The following ALS2 variants were observed in gnomAD, a reference collection of about 807,000 sequenced individuals.
ALS2 encodes alsin.
A neutral mutation model predicts 203.4 loss-of-function variants in ALS2; 117 were observed. The ratio of observed to expected loss-of-function variants is 0.58; its 90% CI spans 0.50 to 0.67. The LOEUF (loss-of-function observed/expected upper bound fraction) is 0.67, where lower values mean the gene tolerates loss of function less well. ALS2 is among the 30% of genes least tolerant of loss of function. The probability of loss-of-function intolerance (pLI) is 0.00; values close to 1 mark genes in which losing one functional copy is unlikely to be tolerated. For synonymous variants in ALS2, 718 were observed against 725.9 expected, an observed-to-expected ratio of 0.99 and a Z score of 0.17; for missense variants, 1,715 against 1,989.4, an observed-to-expected ratio of 0.86 and a Z score of 2.62.
At chr2:201,712,768 A>AGG (rs1362791380) in intron 25 of ALS2, among the ~76,000 whole-genome samples, 1 of 27,734 alleles carries the variant, frequency 3.6e-5, no homozygotes, top group African/African-American at 8.0e-5. Flanking sequence ...AAAAAAAGAA[A>AGG]AGAAGGTGAA....
At chr2:201,713,228 C>T (rs1451771882) in intron 25 of ALS2, among the ~76,000 whole-genome samples, 1 of 142,546 alleles carries the variant, frequency 7.0e-6, no homozygotes, top group East Asian at 2.0e-4. Context: ...CCTCCACCTT[C>T]CGAGTTCCAG....
intron 4 of ALS2, among the ~76,000 whole-genome samples, chr2:201,758,786 T>TGTGTGTGTGTGTGTGTG (rs1553514712): frequency 1.9e-5 from 2 of 103,122 alleles, no homozygotes; most frequent in African/African-American, 7.0e-5. Context: ...GTGTGTGTGT[T>TGTGTGTGTGTGTGTGTG]TGTTTGTATA....
chr2:201,707,432 C>A (rs6739696), intron 28 of ALS2, among the ~76,000 whole-genome samples: 102,177 of 150,458 alleles, frequency 0.68, 35,589 homozygotes, highest in Non-Finnish European at 0.78. Flanking sequence ...TACCCAGCTA[C>A]ATTTTTTTTT....
In ALS2 at chr2:201,761,260, T is replaced by C; in HGVS notation, c.734A>G (p.Lys245Arg). The C allele has an allele frequency of 1.9e-6, 3 of 1,614,142 alleles. No homozygotes were observed. The South Asian group carries it at 3.3e-5, about 18-fold the overall frequency. ...CSQLLITMTD[K>R]EDHVIISDSH... Reference sequence around the variant, plus strand: ...GTCTGATATAATCACATGGTCTTCTTTGTCAGTCATAGTAATCAAGAGCTG... The same window carrying C: ...GTCTGATATAATCACATGGTCTTCTCTGTCAGTCATAGTAATCAAGAGCTG... Residue 245 changes from lysine (K) to arginine (R), a missense_variant, in exon 4 of 34, where the codon AAA becomes AGA. Lys to Arg is a conservative substitution (Grantham distance 26). Coordinates refer to ENST00000264276, the MANE Select transcript of ALS2 (RefSeq NM_020919.4).
chr2:201,734,890 G>A (rs1389697271), intron 12 of ALS2, among the ~76,000 whole-genome samples: 1 of 151,976 alleles, frequency 6.6e-6, no homozygotes, highest in Admixed American at 6.6e-5. Flanking sequence ...TCCTTATATG[G>A]CAAGGTCTGT....
At chr2:201,759,700 T>C (rs1008047660) in intron 4 of ALS2, 6 of 984,082 alleles carry the variant, frequency 6.1e-6, no homozygotes, top group East Asian at 1.1e-4. Context: ...AGTGAATAGA[T>C]TGTGAAATAA....
chr2:201,769,002 T>TTA (rs1694243644), intron 1 of ALS2, 57 bp from the exon 2 acceptor site: 1 of 622,568 alleles, frequency 1.6e-6, no homozygotes, highest in Middle Eastern at 3.2e-4. Flanking sequence ...CCTCAGACAT[T>TTA]AAAAAAAAAA....
intron 5 of ALS2, among the ~76,000 whole-genome samples, chr2:201,756,194 A>G (rs1474849611): frequency 6.6e-6 from 1 of 152,112 alleles, no homozygotes; most frequent in Admixed American, 6.6e-5. Context: ...GATTGCAAAT[A>G]TATTTATATA....
chr2:201,711,057 G>A lies in ALS2; in HGVS notation c.4056C>T (p.Phe1352=). 6.2e-7 allele frequency: 1 copy of A among 1,612,732 alleles called. No individual in the cohort carries two copies. The highest frequency in any genetic ancestry group is 8.5e-7 in the Non-Finnish European group (1 of 1,179,022). ...SQTQTLESLE[F]IPQHVGAFSV... ...AGAAGGCACCAACATGCTGTGGAAT[G>A]AATTCCAAACTCTCTAGTGTCTGAG... is the stretch of plus-strand genomic sequence containing the variant. Residue 1352 remains phenylalanine, a synonymous_variant, in exon 26 of 34, where the codon TTC becomes TTT. Coordinates refer to ENST00000264276, the MANE Select transcript of ALS2 (RefSeq NM_020919.4).
rs766882049 is a variant in ALS2, at chr2:201,726,657, T to C, written c.3182+7A>G. ...TCACCCCAGGCATAAATCTTCAACA[T>C]TTTCACCTGCCATGAGGCTTCCCTG... On this transcript the variant is annotated splice_region_variant and intron_variant, in intron 18 of 33. Coordinates refer to ENST00000264276, the MANE Select transcript of ALS2 (RefSeq NM_020919.4). 1.9e-6 allele frequency: 3 copies of C among 1,614,062 alleles called. No individual in the cohort carries two copies. Among genetic ancestry groups the C allele is most frequent in the South Asian group, 1.1e-5 (1 of 91,068 alleles).
intron 13 of ALS2, among the ~76,000 whole-genome samples, chr2:201,732,845 C>T (rs1173042755): frequency 6.6e-6 from 1 of 152,142 alleles, no homozygotes; most frequent in Non-Finnish European, 1.5e-5. Flanking sequence ...GCTAAGGTAA[C>T]CTAAACACCT....
chr2:201,737,917 G>A (rs1236431845), intron 12 of ALS2, among the ~76,000 whole-genome samples: 7 of 149,902 alleles, frequency 4.7e-5, no homozygotes, highest in East Asian at 1.9e-4. Flanking sequence ...GCGAGACCCC[G>A]TCTCAAAAAA....
Position 201,722,036 on chromosome 2 carries a change from T to C in ALS2, c.3702+1007A>G, listed in dbSNP as rs867836471. The C allele has an allele frequency of 2.0e-5, 3 of 152,184 alleles. No individual in the cohort carries two copies. In the South Asian group the frequency reaches 6.2e-4, roughly 31 times the overall value. The allele number at this position is 152,184 out of a possible 1,614,324, so 9.4% of individuals were successfully genotyped here. On this transcript the variant is annotated intron_variant, in intron 23 of 33. Coordinates refer to ENST00000264276, the MANE Select transcript of ALS2 (RefSeq NM_020919.4). ...TTTATTAAAATGAAAAACTTTTCTA[T>C]TTCAAAAGACACTATTAAGAAAATA...
intron 5 of ALS2, 53 bp downstream of exon 5, chr2:201,757,349 G>A: frequency 1.4e-6 from 2 of 1,423,032 alleles, no homozygotes; most frequent in Admixed American, 1.7e-5. Context: ...GCGATGTCAG[G>A]AGCATCCTGG....
chr2:201,715,625 C>T (rs1690329189), intron 25 of ALS2, 47 bp downstream of exon 25: 2 of 1,606,814 alleles, frequency 1.2e-6, no homozygotes, highest in Admixed American at 1.7e-5. Context: ...TCTTAAGTTT[C>T]ATCTTCCTAA....
At chr2:201,702,546 C>G (rs141951190) in intron 33 of ALS2, among the ~76,000 whole-genome samples, 147 of 152,226 alleles carry the variant, frequency 9.7e-4, no homozygotes, top group Non-Finnish European at 2.0e-3. Context: ...CCATTATCAG[C>G]AATGTGGGAA....
Position 201,757,722 on chromosome 2 carries a change from GGGCTGT to G in ALS2, c.1145_1150del (p.His382_Ser383del), listed in dbSNP as rs750812960. On this transcript the variant is annotated inframe_deletion, in exon 5 of 34. Transcript: ENST00000264276. ...TAGGGCTGAGGTGCTTGTGGTAGGC[GGGCTGT>G]GGAGATTAGGAATTGCTTCTTCTAA... 9 of 1,612,504 alleles carry G rather than the reference GGGCTGT, an allele frequency of 5.6e-6. No individual in the cohort carries two copies. The highest frequency in any genetic ancestry group is 7.6e-6 in the Non-Finnish European group (9 of 1,180,008).
chr2:201,724,305 C>A lies in ALS2; in HGVS notation c.3502G>T (p.Asp1168Tyr). ...AGGAGAATACTGTACCTAGTGATATCATCAAAGACACCATATCCTGCTTTC... is the reference window on the plus strand; with the variant it reads ...AGGAGAATACTGTACCTAGTGATATAATCAAAGACACCATATCCTGCTTTC... ...DKKAGYGVFD[D>Y]ITRGEKYMGM... is the part of the protein sequence containing the mutation. The change falls in exon 21 of 34, where the codon GAT becomes TAT. Residue 1168 changes from aspartate (D) to tyrosine (Y), a missense_variant. By Grantham distance (160) the Asp-to-Tyr change is radical. Transcript: ENST00000264276. 1 of 1,613,626 alleles carries A rather than the reference C, an allele frequency of 6.2e-7. No individual in the cohort carries two copies. Among genetic ancestry groups the A allele is most frequent in the Non-Finnish European group, 8.5e-7 (1 of 1,179,684 alleles).
intron 23 of ALS2, chr2:201,719,844 G>C (rs1343833918): frequency 5.6e-6 from 1 of 179,522 alleles, no homozygotes; most frequent in Non-Finnish European, 1.2e-5. Flanking sequence ...ACAGCTTTAT[G>C]CCAACAAAGT....
Sources: allele counts gnomAD v4.1 joint callset (sites outside exome capture counted in the v4.1 genomes callset), GRCh38; gene constraint gnomAD v4.1.1; transcripts MANE v1.5; gene names NCBI Gene and HGNC (gene_info 2026-07-23, HGNC 2026-07-21).